ZNF443: variants seen among roughly 807,000 people sequenced by gnomAD.
The protein encoded by ZNF443 is zinc finger protein 443, also known as Kruppel-type zinc finger (C2H2).
Under a neutral mutation model 12.0 loss-of-function variants are expected in ZNF443, and 3 were observed. The observed-to-expected ratio is 0.25, with a 90% CI of 0.11 to 0.64. ZNF443 has a LOEUF of 0.64. Ranked by LOEUF, ZNF443 falls within the 30% of genes least tolerant of loss-of-function variation. The probability of loss-of-function intolerance (pLI) is 0.84; values close to 1 mark genes in which losing one functional copy is unlikely to be tolerated. For synonymous variants in ZNF443, 225 were observed against 265.9 expected (o/e 0.85, Z 1.50); for missense variants, 770 against 808.8 (o/e 0.95, Z 0.58).
chr19:12,433,594 T>C (rs1970279794), intron 1 of ZNF443, among the ~76,000 whole-genome samples: 1 of 152,178 alleles, frequency 6.6e-6, no homozygotes, highest in Non-Finnish European at 1.5e-5. Context: ...TTCACAAAGT[T>C]GGGCTTTTCA....
chr19:12,439,759 C>T (rs1416927323), intron 1 of ZNF443, among the ~76,000 whole-genome samples: 1 of 152,130 alleles, frequency 6.6e-6, no homozygotes, highest in African/African-American at 2.4e-5. Flanking sequence ...TCCCAAGGTG[C>T]TGGAATTACA....
chr19:12,436,043 C>T (rs1217928013), intron 1 of ZNF443, among the ~76,000 whole-genome samples: 1 of 151,672 alleles, frequency 6.6e-6, no homozygotes, highest in Non-Finnish European at 1.5e-5. Context: ...GATAAGCCAT[C>T]TCTGAGAAAC....
Position 12,440,897 on chromosome 19 carries a change from G to A in ZNF443, c.3+15C>T. 1.9e-6 allele frequency: 3 copies of A among 1,614,060 alleles called. No homozygotes were observed. Among genetic ancestry groups the A allele is most frequent in the Non-Finnish European group, 2.5e-6 (3 of 1,179,994 alleles). On this transcript the variant is annotated intron_variant, in intron 1 of 3. Transcript: ENST00000301547. ...ACCCCTCCCCCGCCTCGGGACGCCG[G>A]CCCAGCACACGCACCATTTCCCGAC...
At chr19:12,435,673 G>A (rs1000243704) in intron 1 of ZNF443, among the ~76,000 whole-genome samples, 37 of 151,934 alleles carry the variant, frequency 2.4e-4, no homozygotes, top group South Asian at 8.3e-4. Context: ...CAGGCACAGA[G>A]CCATCCACAA....
At position 12,431,192 on chromosome 19, in the gene ZNF443, TG is replaced by T. The variant is rs1970249244; in HGVS notation, c.979del (p.His327MetfsTer30). 6.2e-7 allele frequency: 1 copy of T among 1,614,012 alleles called. No individual in the cohort carries two copies. Among genetic ancestry groups the T allele is most frequent in the Admixed American group, 1.7e-5 (1 of 60,002 alleles). On this transcript the variant is annotated frameshift_variant, in exon 4 of 4. Coordinates refer to ENST00000301547, the MANE Select transcript of ZNF443 (RefSeq NM_005815.5). LOFTEE classifies it low-confidence loss of function (END_TRUNC). ...TTTCTCTGCACTGTGAGTGGTTTCA[TG>T]TCTTTGAAGGGAACCGGAAACACTG... is the stretch of plus-strand genomic sequence containing the variant. ...AFSVSGSLQR[H>X]ETTHSAEKPY...
chr19:12,435,583 T>C (rs1212694835), intron 1 of ZNF443, among the ~76,000 whole-genome samples: 3 of 152,186 alleles, frequency 2.0e-5, no homozygotes, highest in South Asian at 2.1e-4. Flanking sequence ...CGCTTCTGGC[T>C]GATCTGTAGC....
Position 12,430,754 on chromosome 19 carries a change from C to T in ZNF443, c.1418G>A (p.Gly473Glu). The T allele has an allele frequency of 1.9e-6, 3 of 1,613,218 alleles. No homozygotes were observed. Among genetic ancestry groups the T allele is most frequent in the Non-Finnish European group, 2.5e-6 (3 of 1,179,342 alleles). Residue 473 changes from glycine to glutamate, a missense_variant, in exon 4 of 4, where the codon GGA (glycine) becomes GAA (glutamate). Around this residue, in one of 3 missense-constraint regions of ZNF443, gnomAD observed 736 missense variants for 689.4 expected, o/e 1.07. Coordinates refer to ENST00000301547, the MANE Select transcript of ZNF443 (RefSeq NM_005815.5). ...AAGTTTGCATTTATAGGGTTTCTCT[C>T]CAGTATGAGTTGTTTCATGCCTTCG... ...SLRRHETTHT[G>E]EKPYKCKLGK...
intron 1 of ZNF443, among the ~76,000 whole-genome samples, chr19:12,437,525 G>A (rs1679703623): frequency 6.7e-6 from 1 of 150,126 alleles, no homozygotes; most frequent in Admixed American, 6.6e-5. Flanking sequence ...AAGAAAGGAA[G>A]TTGAAAAAAA....
chr19:12,439,656 T>G (rs1970345432), intron 1 of ZNF443, among the ~76,000 whole-genome samples: 1 of 152,066 alleles, frequency 6.6e-6, no homozygotes, highest in Non-Finnish European at 1.5e-5. Flanking sequence ...CCAGCTAATT[T>G]TATTATTATC....
chr19:12,434,243 G>A (rs1378857623), intron 1 of ZNF443, among the ~76,000 whole-genome samples: 1 of 152,230 alleles, frequency 6.6e-6, no homozygotes, highest in Non-Finnish European at 1.5e-5. Flanking sequence ...TTTCTGGGTA[G>A]ATAATATTTC....
At chr19:12,436,080 C>T (rs1490028174) in intron 1 of ZNF443, among the ~76,000 whole-genome samples, 3 of 150,798 alleles carry the variant, frequency 2.0e-5, no homozygotes, top group Non-Finnish European at 2.9e-5. Context: ...TGAATAAAAA[C>T]GTTAAAACAA....
Position 12,431,596 on chromosome 19 carries a change from A to T in ZNF443, c.576T>A (p.Arg192=), listed in dbSNP as rs758648502. Residue 192 remains arginine (R), a synonymous_variant, in exon 4 of 4, where the codon CGT becomes CGA. Coordinates refer to ENST00000301547, the MANE Select transcript of ZNF443 (RefSeq NM_005815.5). ...GNLQRHMAVQ[R]GDGPYKCKLC... is the part of the protein sequence containing the mutation. ...ACTTACATTTATAAGGTCCATCTCC[A>T]CGCTGCACTGCCATGTGTCTTTGAA... 4 of 1,614,170 alleles carry T rather than the reference A, an allele frequency of 2.5e-6. No individual in the cohort carries two copies. The East Asian group carries it at 8.9e-5, about 36-fold the overall frequency.
At chr19:12,438,009 G>C (rs964033601) in intron 1 of ZNF443, among the ~76,000 whole-genome samples, 2 of 151,834 alleles carry the variant, frequency 1.3e-5, no homozygotes. Context: ...GCTGAGGCAA[G>C]AGAATCGCTT....
Position 12,430,169 on chromosome 19 carries a change from T to C in ZNF443, c.2003A>G (p.Lys668Arg). The C allele has an allele frequency of 6.2e-7, 1 of 1,613,668 alleles. No individual in the cohort carries two copies. The highest frequency in any genetic ancestry group is 8.5e-7 in the Non-Finnish European group (1 of 1,179,726). ...TTAGAGAGAATGCTAGTGAGTCTTTTTATGTCTATGCAAGGAACTGAGAGA... is the reference window on the plus strand; with the variant it reads ...TTAGAGAGAATGCTAGTGAGTCTTTCTATGTCTATGCAAGGAACTGAGAGA... ...FASLSSLHRH[K>R]KTH Residue 668 changes from lysine to arginine, a missense_variant, in exon 4 of 4, where the codon AAA (lysine) becomes AGA (arginine). Physicochemically the swap from Lys to Arg is conservative, Grantham distance 26 (BLOSUM62 2). Coordinates refer to ENST00000301547, the MANE Select transcript of ZNF443 (RefSeq NM_005815.5).
At position 12,431,957 on chromosome 19, in the gene ZNF443, A is replaced by G. The variant is rs111544914; in HGVS notation, c.215T>C (p.Val72Ala). 2 of 1,586,802 alleles carry G rather than the reference A, an allele frequency of 1.3e-6. No homozygotes were observed. Among genetic ancestry groups the G allele is most frequent in the Non-Finnish European group, 8.6e-7 (1 of 1,168,146 alleles). The change falls in exon 4 of 4, where the codon GTT becomes GCT. Residue 72 changes from valine (V) to alanine (A), a missense_variant. Physicochemically the swap from Val to Ala is moderately conservative, Grantham distance 64. This residue lies in a region of ZNF443 where 736 missense variants were observed against 689.4 expected (regional missense o/e 1.07). Transcript: ENST00000301547. ...ACATTGAGTTCCATCTTTACTTTCAACAAATCTCTCTAACATACGACATCT... is the reference window on the plus strand; with the variant it reads ...ACATTGAGTTCCATCTTTACTTTCAGCAAATCTCTCTAACATACGACATCT... ...NLRCRMLERF[V>A]ESKDGTQCGE...
intron 1 of ZNF443, among the ~76,000 whole-genome samples, chr19:12,435,375 A>C (rs2910987): frequency 0.33 from 50,433 of 151,708 alleles, 8,862 homozygotes; most frequent in South Asian, 0.47. Context: ...AAGCCTGTAG[A>C]CAACTGCAAG....
intron 1 of ZNF443, 122 bp downstream of exon 1, chr19:12,440,790 G>T (rs868760224): frequency 1.2e-5 from 19 of 1,543,694 alleles, no homozygotes; most frequent in Middle Eastern, 3.8e-4. Flanking sequence ...CCTACGCCAG[G>T]GGGACCCGGG....
intron 3 of ZNF443, 64 bp from the exon 4 acceptor site, chr19:12,432,044 A>C: frequency 7.9e-7 from 1 of 1,264,428 alleles, no homozygotes; most frequent in East Asian, 2.4e-5. Flanking sequence ...GGTATTAATA[A>C]GTATTGGATG....
intron 1 of ZNF443, among the ~76,000 whole-genome samples, chr19:12,435,819 C>T (rs1970302633): frequency 6.6e-6 from 1 of 151,742 alleles, no homozygotes; most frequent in African/African-American, 2.4e-5. Flanking sequence ...ATAAGGAATA[C>T]AGTCTGTGCA....
Sources: gnomAD v4.1 joint callset for allele counts (sites outside exome capture counted in the v4.1 genomes callset) on GRCh38, gnomAD v4.1.1 for gene constraint, gnomAD v4.1.1 regional missense constraint, MANE v1.5 for transcripts, NCBI Gene and HGNC (gene_info 2026-07-23, HGNC 2026-07-21) for gene names.